Variants in PRDM16 observed in about 807,000 individuals in gnomAD.
The protein encoded by PRDM16 is histone-lysine N-methyltransferase PRDM16.
A neutral mutation model predicts 110.6 loss-of-function variants in PRDM16; 23 were observed. That is an observed-to-expected ratio of 0.21 (90% CI 0.15 to 0.29). The LOEUF (loss-of-function observed/expected upper bound fraction) is 0.29. Ranked by LOEUF, PRDM16 falls within the 10% of genes least tolerant of loss-of-function variation. The pLI is 1.00. For synonymous variants in PRDM16, 799 were observed against 781.8 expected, an observed-to-expected ratio of 1.02 and a Z score of -0.37; for missense variants, 1,615 against 1,794.3, an observed-to-expected ratio of 0.90 and a Z score of 1.81.
chr1:3,285,523 C>T (rs1374522190), intron 3 of PRDM16, among the ~76,000 whole-genome samples: 2 of 152,162 alleles, frequency 1.3e-5, no homozygotes, highest in African/African-American at 4.8e-5. Flanking sequence ...CAGGCATGCT[C>T]CCAGGAAGCT....
chr1:3,383,673 T>C (rs779327165), intron 3 of PRDM16, among the ~76,000 whole-genome samples: 9 of 152,074 alleles, frequency 5.9e-5, no homozygotes, highest in Non-Finnish European at 1.3e-4. Context: ...AGGCCCGAAA[T>C]GGCTAGGAAC....
At chr1:3,345,021 T>G (rs1642335284) in intron 3 of PRDM16, among the ~76,000 whole-genome samples, 1 of 152,220 alleles carries the variant, frequency 6.6e-6, no homozygotes, top group African/African-American at 2.4e-5. Context: ...TGTGGCTCCT[T>G]CCTTTCCATG....
At chr1:3,268,349 T>A (rs1184907764) in intron 3 of PRDM16, among the ~76,000 whole-genome samples, 1 of 152,238 alleles carries the variant, frequency 6.6e-6, no homozygotes. Flanking sequence ...TGCTCTGGGA[T>A]TGTGACCCCT....
At chr1:3,103,144 C>T (rs912513869) in intron 1 of PRDM16, among the ~76,000 whole-genome samples, 2 of 152,216 alleles carry the variant, frequency 1.3e-5, no homozygotes, top group African/African-American at 2.4e-5. Flanking sequence ...CCGACCACCA[C>T]GCCTGTCCTG....
At chr1:3,388,827 C>T (rs558963809) in intron 4 of PRDM16, among the ~76,000 whole-genome samples, 5 of 152,320 alleles carry the variant, frequency 3.3e-5, no homozygotes, top group South Asian at 4.2e-4. Flanking sequence ...CAGCCCATCC[C>T]GGGCTCCTCC....
At chr1:3,259,130 TGA>T (rs1179885006) in intron 3 of PRDM16, among the ~76,000 whole-genome samples, 43 of 152,248 alleles carry the variant, frequency 2.8e-4, no homozygotes, top group African/African-American at 9.9e-4. Flanking sequence ...GCTGCAGGGA[TGA>T]GCAGTACCTC....
intron 1 of PRDM16, among the ~76,000 whole-genome samples, chr1:3,089,544 C>T (rs1479786225): frequency 6.6e-6 from 1 of 152,262 alleles, no homozygotes; most frequent in Admixed American, 6.5e-5. Flanking sequence ...CAAGCATCTC[C>T]AGGCCAGAAA....
At chr1:3,396,930 T>A (rs1306326100) in intron 5 of PRDM16, among the ~76,000 whole-genome samples, 1 of 152,216 alleles carries the variant, frequency 6.6e-6, no homozygotes, top group Non-Finnish European at 1.5e-5. Context: ...GTGATTTTTT[T>A]AAGCTATGTT....
chr1:3,112,768 T>C (rs1642826600), intron 1 of PRDM16, among the ~76,000 whole-genome samples: 1 of 152,352 alleles, frequency 6.6e-6, no homozygotes, highest in East Asian at 1.9e-4. Flanking sequence ...CACCCTTGCA[T>C]TGGCAAATCC....
intron 14 of PRDM16, among the ~76,000 whole-genome samples, chr1:3,427,241 GCT>G (rs2100695510): frequency 6.6e-6 from 1 of 152,344 alleles, no homozygotes; most frequent in East Asian, 1.9e-4. Context: ...CCCCAGCGGG[GCT>G]GCTTCCTTTG....
chr1:3,432,750 G>C (rs181868983), intron 16 of PRDM16, among the ~76,000 whole-genome samples: 1 of 152,186 alleles, frequency 6.6e-6, no homozygotes, highest in Non-Finnish European at 1.5e-5. Context: ...AGCCGTCTGC[G>C]TGTCTGTCTT....
intron 3 of PRDM16, among the ~76,000 whole-genome samples, chr1:3,340,569 C>T (rs1048314271): frequency 4.1e-4 from 63 of 152,304 alleles, no homozygotes; most frequent in African/African-American, 1.5e-3. Context: ...AGGGCTCCCT[C>T]CCCCACTCTG....
intron 2 of PRDM16, among the ~76,000 whole-genome samples, chr1:3,227,117 G>A (rs1639305738): frequency 6.6e-6 from 1 of 152,234 alleles, no homozygotes; most frequent in South Asian, 2.1e-4. Flanking sequence ...AGCTCTTCGG[G>A]CGTCTGTTAC....
intron 5 of PRDM16, among the ~76,000 whole-genome samples, chr1:3,397,948 G>C (rs1056259948): frequency 2.6e-5 from 4 of 152,146 alleles, no homozygotes; most frequent in African/African-American, 9.7e-5. Flanking sequence ...TGTCCGAAAG[G>C]AAATGACCAC....
chr1:3,360,376 G>C (rs1642690520), intron 3 of PRDM16, among the ~76,000 whole-genome samples: 2 of 152,134 alleles, frequency 1.3e-5, no homozygotes, highest in South Asian at 4.1e-4. Flanking sequence ...CGGGCCACAG[G>C]TCCCCAGCCA....
intron 3 of PRDM16, among the ~76,000 whole-genome samples, chr1:3,316,643 CAG>C (rs1292660589): frequency 7.0e-6 from 1 of 142,590 alleles, no homozygotes; most frequent in Non-Finnish European, 1.5e-5. Flanking sequence ...AGGCAGAAAA[CAG>C]TGACACAGTG....
chr1:3,329,838 G>C (rs1260590647), intron 3 of PRDM16, among the ~76,000 whole-genome samples: 1 of 152,254 alleles, frequency 6.6e-6, no homozygotes, highest in South Asian at 2.1e-4. Context: ...TGTGTTCTCC[G>C]GCCTCCCATG....
chr1:3,252,338 G>A (rs1258490815), intron 3 of PRDM16, among the ~76,000 whole-genome samples: 1 of 152,182 alleles, frequency 6.6e-6, no homozygotes, highest in Admixed American at 6.5e-5. Flanking sequence ...TCTGCATAAC[G>A]GTGTCCAGGC....
chr1:3,429,292 C>A (rs1638701622), intron 14 of PRDM16, among the ~76,000 whole-genome samples: 1 of 152,270 alleles, frequency 6.6e-6, no homozygotes. Context: ...GGAGCCAAAC[C>A]AGCCACTGGG....
Sources: allele counts gnomAD v4.1 joint callset (sites outside exome capture counted in the v4.1 genomes callset), GRCh38; gene constraint gnomAD v4.1.1; transcripts MANE v1.5; gene names NCBI Gene and HGNC (gene_info 2026-07-23, HGNC 2026-07-21).